Variants in MSH4 observed in about 807,000 individuals in gnomAD.
MSH4 encodes the protein mutS homolog 4.
In MSH4, 106 loss-of-function variants were observed where a neutral mutation model predicts 113.7. The observed-to-expected ratio is 0.93, with a 90% CI of 0.80 to 1.10. The LOEUF is 1.10. Among genes scored for constraint, MSH4 ranks in the 50% least tolerant of loss-of-function variants. The pLI, the probability that MSH4 is intolerant of heterozygous loss-of-function variation, is 0.00. For missense variants in MSH4, 1,061 were observed against 1,093.7 expected, an observed-to-expected ratio of 0.97 and a Z score of 0.42; for synonymous variants, 368 against 380.2, an observed-to-expected ratio of 0.97 and a Z score of 0.37.
intron 9 of MSH4, among the ~76,000 whole-genome samples, chr1:75,870,347 T>C (rs1651684684): frequency 6.6e-6 from 1 of 152,228 alleles, no homozygotes; most frequent in African/African-American, 2.4e-5. Context: ...TTTGAGTTAA[T>C]GCTGAAATGA....
chr1:75,865,079 C>G (rs1651534902), intron 8 of MSH4, among the ~76,000 whole-genome samples: 1 of 152,020 alleles, frequency 6.6e-6, no homozygotes, highest in Non-Finnish European at 1.5e-5. Context: ...GAGATGGAGA[C>G]AAATTGGTTA....
chr1:75,817,864 C>T (rs924314906), intron 6 of MSH4, among the ~76,000 whole-genome samples: 3 of 151,922 alleles, frequency 2.0e-5, no homozygotes, highest in Non-Finnish European at 4.4e-5. Flanking sequence ...GAGTAGTTCC[C>T]TACAAATTAG....
intron 7 of MSH4, among the ~76,000 whole-genome samples, chr1:75,836,569 T>G (rs1650834444): frequency 6.6e-6 from 1 of 152,182 alleles, no homozygotes; most frequent in Non-Finnish European, 1.5e-5. Flanking sequence ...AGTGTCTGTT[T>G]CTGGAGAACC....
chr1:75,888,355 G>T (rs1453457297), intron 15 of MSH4, among the ~76,000 whole-genome samples: 1 of 151,744 alleles, frequency 6.6e-6, no homozygotes, highest in African/African-American at 2.4e-5. Flanking sequence ...ATTCTATATT[G>T]AGACTGGTGC....
chr1:75,902,405 T>C (rs1246602018), intron 19 of MSH4, among the ~76,000 whole-genome samples: 3 of 151,710 alleles, frequency 2.0e-5, no homozygotes, highest in African/African-American at 4.8e-5. Context: ...CATCTTTATG[T>C]CCATGTGTAC....
At chr1:75,805,678 C>T (rs1046275615) in intron 2 of MSH4, among the ~76,000 whole-genome samples, 8 of 152,118 alleles carry the variant, frequency 5.3e-5, no homozygotes, top group East Asian at 1.9e-4. Flanking sequence ...TGAGCCACTG[C>T]GCCTGGCCAA....
intron 8 of MSH4, among the ~76,000 whole-genome samples, chr1:75,863,718 CA>C (rs950581133): frequency 1.3e-5 from 2 of 152,150 alleles, no homozygotes; most frequent in Non-Finnish European, 2.9e-5. Flanking sequence ...CAGTGCTCAT[CA>C]TGCTTGACCT....
intron 7 of MSH4, among the ~76,000 whole-genome samples, chr1:75,831,325 C>T (rs931121116): frequency 6.6e-6 from 1 of 152,104 alleles, no homozygotes; most frequent in Non-Finnish European, 1.5e-5. Context: ...CTTAGACTCC[C>T]ACACAATAAT....
chr1:75,903,761 T>A (rs1652560576), intron 19 of MSH4, among the ~76,000 whole-genome samples: 1 of 152,226 alleles, frequency 6.6e-6, no homozygotes. Flanking sequence ...CTGATTTTTA[T>A]ATTTTTGGTG....
At position 75,902,667 on chromosome 1, in the gene MSH4, G is replaced by GTGTA. The variant is rs1365337035; in HGVS notation, c.2619+2967_2619+2970dup. On this transcript the variant is annotated intron_variant, in intron 19 of 19. Coordinates refer to ENST00000263187, the MANE Select transcript of MSH4 (RefSeq NM_002440.4). ...TGAACTAGGTACAGGTGTTATATAT[G>GTGTA]TGTATGTATATATATATATATATAT... 1.9e-3 allele frequency among the ~76,000 whole-genome samples: 98 copies of GTGTA among 52,472 alleles called. 1 individual carries two copies. The highest frequency in any genetic ancestry group is 3.3e-3 in the South Asian group (5 of 1,524). The allele number at this position is 52,472 out of a possible 152,430, so 34.4% of individuals were successfully genotyped here. A position where few individuals can be genotyped will look rare whatever the true frequency, so the allele number is the denominator to read the frequency against.
intron 6 of MSH4, among the ~76,000 whole-genome samples, chr1:75,819,781 G>C (rs1363103879): frequency 6.6e-6 from 1 of 152,176 alleles, no homozygotes; most frequent in Non-Finnish European, 1.5e-5. Context: ...CGCAATCTCG[G>C]CTCACTGCAA....
In MSH4 at chr1:75,810,804, C is replaced by G. The variant is rs759107939; in HGVS notation, c.696C>G (p.Phe232Leu). 5 of 1,496,784 alleles carry G rather than the reference C, an allele frequency of 3.3e-6. No individual in the cohort carries two copies. In the South Asian group the frequency reaches 6.1e-5, roughly 18 times the overall value. 92.7% of individuals were successfully genotyped at this position (1,496,784 alleles called of 1,614,324 possible). A position where few individuals can be genotyped will look rare whatever the true frequency, so the allele number is the denominator to read the frequency against. The change falls in exon 4 of 20, where the codon TTC becomes TTG. Residue 232 changes from phenylalanine (F) to leucine (L), a missense_variant. Phe to Leu is a conservative substitution (Grantham distance 22). Coordinates refer to ENST00000263187, the MANE Select transcript of MSH4 (RefSeq NM_002440.4). ...TGTTCACTCTGATCACAGAAAATTT[C>G]AAGGTAAGTGATGTTTACTGTTTGT... ...TKLFTLITEN[F>L]KNVNFTTIQR...
At chr1:75,908,107 TTCAAA>T (rs1652708254) in intron 19 of MSH4, among the ~76,000 whole-genome samples, 1 of 151,086 alleles carries the variant, frequency 6.6e-6, no homozygotes, top group African/African-American at 2.4e-5. Context: ...GTTCCAGGGT[TTCAAA>T]TCTGTTTGCC....
intron 9 of MSH4, among the ~76,000 whole-genome samples, chr1:75,870,346 A>G (rs1651684637): frequency 6.6e-6 from 1 of 152,208 alleles, no homozygotes; most frequent in African/African-American, 2.4e-5. Flanking sequence ...TTTTGAGTTA[A>G]TGCTGAAATG....
In MSH4 at chr1:75,797,005, C is replaced by T; in HGVS notation, c.20C>T (p.Ser7Leu). 6.2e-7 allele frequency: 1 copy of T among 1,614,118 alleles called. No homozygotes were observed. The highest frequency in any genetic ancestry group is 8.5e-7 in the Non-Finnish European group (1 of 1,180,038). Residue 7 changes from serine (S) to leucine (L), a missense_variant, in exon 1 of 20, where the codon TCA becomes TTA. Transcript: ENST00000263187. ...GGGAGGATGCTGAGGCCTGAGATCT[C>T]ATCAACCTCGCCTTCTGCCCCGGCG... is the stretch of plus-strand genomic sequence containing the variant. MLRPEI[S>L]STSPSAPAVS...
chr1:75,851,978 C>G (rs1479876544), intron 8 of MSH4, among the ~76,000 whole-genome samples: 1 of 152,150 alleles, frequency 6.6e-6, no homozygotes, highest in Non-Finnish European at 1.5e-5. Flanking sequence ...AATTTTAGAA[C>G]ATTTTAATCA....
chr1:75,807,571 C>G (rs1006030099), intron 3 of MSH4, among the ~76,000 whole-genome samples: 2 of 152,166 alleles, frequency 1.3e-5, no homozygotes, highest in East Asian at 3.9e-4. Flanking sequence ...GGGATTAATG[C>G]GTTTTTGGTT....
intron 9 of MSH4, among the ~76,000 whole-genome samples, chr1:75,873,035 G>A (rs1166494988): frequency 1.3e-5 from 2 of 152,220 alleles, no homozygotes; most frequent in Non-Finnish European, 1.5e-5. Flanking sequence ...GCAGACACAC[G>A]TAAGTGTAAA....
intron 7 of MSH4, among the ~76,000 whole-genome samples, chr1:75,829,791 C>T (rs1650641194): frequency 6.6e-6 from 1 of 152,146 alleles, no homozygotes; most frequent in African/African-American, 2.4e-5. Flanking sequence ...CTGTACACCA[C>T]CATCATCAAA....
Sources: gnomAD v4.1 joint callset for allele counts (sites outside exome capture counted in the v4.1 genomes callset) on GRCh38, gnomAD v4.1.1 for gene constraint, MANE v1.5 for transcripts, NCBI Gene and HGNC (gene_info 2026-07-23, HGNC 2026-07-21) for gene names.